CREB5: variants seen among roughly 807,000 people sequenced by gnomAD.
The protein encoded by CREB5 is cAMP responsive element binding protein 5, also known as cyclic AMP-responsive element-binding protein 5.
Under a neutral mutation model 57.1 loss-of-function variants are expected in CREB5, and 19 were observed. The observed-to-expected ratio is 0.33, with a 90% CI of 0.23 to 0.49. CREB5 has a LOEUF of 0.49. Ranked by LOEUF, CREB5 falls within the 20% of genes least tolerant of loss-of-function variation. The pLI is 0.99. For missense variants in CREB5, 579 were observed against 671.6 expected (o/e 0.86, Z 1.52); for synonymous variants, 238 against 238.3 (o/e 1.00, Z 0.01).
intron 8 of CREB5, among the ~76,000 whole-genome samples, chr7:28,807,763 A>G (rs2128803247): frequency 6.6e-6 from 1 of 152,140 alleles, no homozygotes; most frequent in South Asian, 2.1e-4. Flanking sequence ...ACCGTCATAA[A>G]CCTGAGTGAC....
intron 4 of CREB5, among the ~76,000 whole-genome samples, chr7:28,543,995 G>GTAAATACTC (rs1417523933): frequency 1.3e-5 from 2 of 150,562 alleles, no homozygotes; most frequent in Non-Finnish European, 3.0e-5. Context: ...TTTTTGCCTC[G>GTAAATACTC]ATAAATGGTG....
chr7:28,706,226 G>T (rs1422809515), intron 5 of CREB5, among the ~76,000 whole-genome samples: 2 of 152,140 alleles, frequency 1.3e-5, no homozygotes, highest in African/African-American at 2.4e-5. Context: ...CATGGTGATG[G>T]TTGCCTGTAA....
At chr7:28,719,450 T>A (rs1226440029) in intron 6 of CREB5, among the ~76,000 whole-genome samples, 3 of 152,150 alleles carry the variant, frequency 2.0e-5, no homozygotes, top group African/African-American at 4.8e-5. Context: ...ACTTTTTGAA[T>A]GAGGAAAGAA....
At chr7:28,646,993 T>C (rs930873713) in intron 5 of CREB5, among the ~76,000 whole-genome samples, 1 of 152,070 alleles carries the variant, frequency 6.6e-6, no homozygotes, top group African/African-American at 2.4e-5. Flanking sequence ...GGGGCAACAC[T>C]GGTGATACAT....
rs1809546457 is a variant in CREB5, at chr7:28,818,114, A to G, written c.1298A>G (p.Gln433Arg). ...AAAAATGAGGTGGCCCAGCTGAAACAGTTGTTGTTAACACATAAAGACTGC... is the reference window on the plus strand; with the variant it reads ...AAAAATGAGGTGGCCCAGCTGAAACGGTTGTTGTTAACACATAAAGACTGC... Reference protein sequence around the residue: ...MLKNEVAQLKQLLLTHKDCPI... With the variant: ...MLKNEVAQLKRLLLTHKDCPI... Residue 433 changes from glutamine (Q) to arginine (R), a missense_variant, in exon 10 of 11, where the codon CAG becomes CGG. By Grantham distance (43) the Gln-to-Arg change is conservative (BLOSUM62 1). Around this residue, in one of 3 missense-constraint regions of CREB5, gnomAD observed 114 missense variants for 130.8 expected, o/e 0.87. Transcript: ENST00000357727. 1.9e-6 allele frequency: 3 copies of G among 1,613,820 alleles called. No homozygotes were observed. Among genetic ancestry groups the G allele is most frequent in the Non-Finnish European group, 2.5e-6 (3 of 1,179,804 alleles).
intron 1 of CREB5, among the ~76,000 whole-genome samples, chr7:28,382,221 G>A (rs1024146853): frequency 6.6e-6 from 1 of 152,288 alleles, no homozygotes; most frequent in East Asian, 1.9e-4. Flanking sequence ...CAGGCCCCCA[G>A]CTGATTGGAT....
intron 7 of CREB5, among the ~76,000 whole-genome samples, chr7:28,763,813 T>TTA (rs1554297054): frequency 1.3e-4 from 17 of 129,012 alleles, no homozygotes; most frequent in East Asian, 1.0e-3. Context: ...TATTATTATT[T>TTA]TTTTTTGAGA....
At chr7:28,358,381 T>A (rs1396284459) in intron 1 of CREB5, among the ~76,000 whole-genome samples, 1 of 152,224 alleles carries the variant, frequency 6.6e-6, no homozygotes, top group Non-Finnish European at 1.5e-5. Context: ...GCTGTGTCTC[T>A]GGGACTTGAC....
intron 4 of CREB5, among the ~76,000 whole-genome samples, chr7:28,517,878 C>G (rs972337899): frequency 8.5e-5 from 13 of 152,150 alleles, no homozygotes; most frequent in Admixed American, 7.9e-4. Flanking sequence ...TCCAAAAGGA[C>G]TTTACTTTCA....
chr7:28,486,087 G>A (rs1791534193), intron 1 of CREB5, among the ~76,000 whole-genome samples: 1 of 152,154 alleles, frequency 6.6e-6, no homozygotes, highest in Non-Finnish European at 1.5e-5. Flanking sequence ...CTGTATTCAT[G>A]GGTGGCCAAA....
intron 1 of CREB5, among the ~76,000 whole-genome samples, chr7:28,343,939 T>G (rs1387576896): frequency 1.3e-5 from 2 of 152,242 alleles, no homozygotes. Context: ...TTATTTGCAT[T>G]TCCCTGATAA....
chr7:28,626,105 CGTAT>C (rs917306418), intron 5 of CREB5, among the ~76,000 whole-genome samples: 1 of 152,046 alleles, frequency 6.6e-6, no homozygotes, highest in African/African-American at 2.4e-5. Context: ...TTATATTTAA[CGTAT>C]GTATTATTCA....
chr7:28,672,575 A>G (rs2128719890), intron 5 of CREB5, among the ~76,000 whole-genome samples: 1 of 152,350 alleles, frequency 6.6e-6, no homozygotes, highest in Admixed American at 6.5e-5. Flanking sequence ...GACCTGGTTA[A>G]CGGGAAATGC....
intron 1 of CREB5, among the ~76,000 whole-genome samples, chr7:28,330,401 C>CCTTTTTTTTTTT (rs775917974): frequency 3.4e-5 from 3 of 88,538 alleles, no homozygotes; most frequent in African/African-American, 4.9e-5. Flanking sequence ...GAGAACCTTA[C>CCTTTTTTTTTTT]TTTTTTTTTT....
intron 1 of CREB5, among the ~76,000 whole-genome samples, chr7:28,356,256 C>T (rs1342421515): frequency 2.0e-5 from 3 of 152,172 alleles, no homozygotes; most frequent in African/African-American, 7.2e-5. Flanking sequence ...TTGGAGTTTA[C>T]CCAGATGTAG....
At chr7:28,437,810 AGTCACTT>A (rs1421629944) in intron 1 of CREB5, among the ~76,000 whole-genome samples, 5 of 152,172 alleles carry the variant, frequency 3.3e-5, no homozygotes, top group African/African-American at 1.2e-4. Flanking sequence ...TCTTAAATGC[AGTCACTT>A]GAAGGATTAA....
intron 1 of CREB5, among the ~76,000 whole-genome samples, chr7:28,377,856 C>G (rs556043506): frequency 7.1e-6 from 1 of 140,938 alleles, no homozygotes; most frequent in African/African-American, 2.6e-5. Context: ...GGCGTGAACC[C>G]GAGAGGCGGA....
chr7:28,305,157 C>A (rs1785161633), intron 1 of CREB5, among the ~76,000 whole-genome samples: 1 of 152,224 alleles, frequency 6.6e-6, no homozygotes, highest in Non-Finnish European at 1.5e-5. Flanking sequence ...ATACACTTCT[C>A]TTAAAATTCA....
At chr7:28,381,590 G>C (rs949800718) in intron 1 of CREB5, among the ~76,000 whole-genome samples, 12 of 152,338 alleles carry the variant, frequency 7.9e-5, no homozygotes, top group African/African-American at 2.4e-4. Context: ...ATTACAGAAT[G>C]ATTGGCAATA....
Sources: allele counts gnomAD v4.1 joint callset (sites outside exome capture counted in the v4.1 genomes callset), GRCh38; gene constraint gnomAD v4.1.1; regional missense constraint gnomAD v4.1.1; transcripts MANE v1.5; gene names NCBI Gene and HGNC (gene_info 2026-07-23, HGNC 2026-07-21).